Variants in SIGIRR observed in about 807,000 individuals in gnomAD.
SIGIRR encodes the protein single Ig and TIR domain containing.
A neutral mutation model predicts 45.6 loss-of-function variants in SIGIRR; 41 were observed. The ratio of observed to expected loss-of-function variants is 0.90; its 90% confidence interval spans 0.70 to 1.17. The LOEUF (loss-of-function observed/expected upper bound fraction) is 1.17. Among genes scored for constraint, SIGIRR ranks in the 50% most tolerant of loss-of-function variants. SIGIRR has a pLI of 0.00. For synonymous variants in SIGIRR, 298 were observed against 239.0 expected (o/e 1.25, Z -2.28); for missense variants, 599 against 539.6 (o/e 1.11, Z -1.09).
upstream of SIGIRR, among the ~76,000 whole-genome samples, chr11:415,262 CGTGTGTGCAAT>C (rs577431186): frequency 1.6e-4 from 21 of 134,566 alleles, no homozygotes; most frequent in African/African-American, 4.4e-4. This position sits in a 1 kb window ranked among gnomAD's most constrained non-coding sequence, Gnocchi z 6.6. Context: ...AGTGTGTCTG[CGTGTGTGCAAT>C]GTGTGTGCAG....
At chr11:409,681 T>C (rs1207810283) in intron 2 of SIGIRR, 187 bp downstream of exon 2, 1 of 532,110 alleles carries the variant, frequency 1.9e-6, no homozygotes, top group East Asian at 3.5e-5. Context: ...GCAGGGCTCA[T>C]CCTCACCACT....
chr11:410,407 G>A (rs911634390), intron 1 of SIGIRR, among the ~76,000 whole-genome samples: 6 of 152,182 alleles, frequency 3.9e-5, no homozygotes, highest in African/African-American at 1.4e-4. Flanking sequence ...TGCAGTGCCA[G>A]AGACACAGCC....
chr11:408,778 G>A lies in SIGIRR; in HGVS notation c.123C>T (p.His41=), dbSNP rs770860407. The A allele has an allele frequency of 6.2e-7, 1 of 1,612,804 alleles. No homozygotes were observed. The highest frequency in any genetic ancestry group is 8.5e-7 in the Non-Finnish European group (1 of 1,179,998). The change falls in exon 3 of 10, where the codon CAC becomes CAT. Residue 41 remains histidine (H), a synonymous_variant. Transcript: ENST00000431843. Reference sequence around the variant, plus strand: ...GCCACTGGACTGAAGGCAGGGAGCAGTGGGGCCCAGAGACTACCCAAGCCG... The same window carrying A: ...GCCACTGGACTGAAGGCAGGGAGCAATGGGGCCCAGAGACTACCCAAGCCG... ...NCTAWVVSGP[H]CSLPSVQWLK...
chr11:408,096 G>A lies in SIGIRR; in HGVS notation c.317C>T (p.Ser106Phe), dbSNP rs1192043297. The part of the protein sequence containing the change: ...FTCSIQNISF[S>F]SFTLQRAGPT... ...ACCAGCTCTCTGAAGAGTGAAGGAG[G>A]AGAAGCTGATGTTCTGGATGGAGCA... Residue 106 changes from serine to phenylalanine, a missense_variant, in exon 4 of 10, where the codon TCC becomes TTC. Physicochemically the swap from Ser to Phe is radical, Grantham distance 155. Coordinates refer to ENST00000431843, the MANE Select transcript of SIGIRR (RefSeq NM_001135054.2). The A allele has an allele frequency of 6.2e-7, 1 of 1,612,688 alleles. No homozygotes were observed. The highest frequency in any genetic ancestry group is 1.3e-5 in the African/African-American group (1 of 74,946).
intron 2 of SIGIRR, 36 bp downstream of exon 2, chr11:409,832 G>A (rs1768763029): frequency 7.3e-7 from 1 of 1,366,152 alleles, no homozygotes; most frequent in Non-Finnish European, 9.5e-7. Context: ...AGGTGGGAGT[G>A]GGGAATTCAA....
In SIGIRR at chr11:406,242, A is replaced by G. The variant is rs1847291795; in HGVS notation, c.1069+107T>C. ...CGTGCAGGGGCTCCCGGTGCCGGGA[A>G]GAGTCCTCAACACCTGGAGCCCCTC... On this transcript the variant is annotated intron_variant, in intron 9 of 9. Coordinates refer to ENST00000431843, the MANE Select transcript of SIGIRR (RefSeq NM_001135054.2). The G allele has an allele frequency of 8.4e-6, 13 of 1,544,724 alleles. No homozygotes were observed. In the South Asian group the frequency reaches 1.5e-4, roughly 18 times the overall value.
intron 1 of SIGIRR, among the ~76,000 whole-genome samples, chr11:413,368 G>C (rs1420596041): frequency 6.6e-6 from 1 of 152,024 alleles, no homozygotes; most frequent in African/African-American, 2.4e-5. Context: ...GACACTCCAA[G>C]GAAAGTCCTT....
In SIGIRR at chr11:406,338, G is replaced by C. The variant is rs769404609; in HGVS notation, c.1069+11C>G. The C allele has an allele frequency of 1.5e-5, 24 of 1,611,524 alleles. No individual in the cohort carries two copies. The Middle Eastern group carries it at 4.9e-4, about 33-fold the overall frequency. ...CTTCTCCAGTTGGGGAGTGGGGCTG[G>C]GCGGGCATACCCAGGTCGCCCTCAG... On this transcript the variant is annotated intron_variant, in intron 9 of 9. Coordinates refer to ENST00000431843, the MANE Select transcript of SIGIRR (RefSeq NM_001135054.2).
chr11:406,196 G>A (rs776210582), intron 9 of SIGIRR, 137 bp from the exon 10 acceptor site: 1 of 1,538,104 alleles, frequency 6.5e-7, no homozygotes. Flanking sequence ...ACCGAGGGCC[G>A]AGCACCTCCA....
intron 1 of SIGIRR, among the ~76,000 whole-genome samples, chr11:412,667 A>G (rs867282510): frequency 3.0e-4 from 9 of 29,806 alleles, no homozygotes; most frequent in South Asian, 7.5e-3. Flanking sequence ...AGCTCTGACC[A>G]TGTCTGGATA....
At position 406,024 on chromosome 11, in the gene SIGIRR, G is replaced by T. The variant is rs1373226988; in HGVS notation, c.1105C>A (p.Pro369Thr). The T allele has an allele frequency of 6.2e-7, 1 of 1,605,498 alleles. No homozygotes were observed. The highest frequency in any genetic ancestry group is 8.5e-7 in the Non-Finnish European group (1 of 1,176,758). Residue 369 changes from proline to threonine, a missense_variant, in exon 10 of 10, where the codon CCA becomes ACA. Transcript: ENST00000431843. ...AGCGAGACCCCACTGGTGTGCGGTG[G>T]AGCTGATGGCTCTCCAAAGACAGGC... ...RGPVFGEPSAPPHTSGVSLGE... is the reference protein window; with the variant it reads ...RGPVFGEPSATPHTSGVSLGE...
Position 406,917 on chromosome 11 carries a change from C to T in SIGIRR, c.805G>A (p.Ala269Thr), listed in dbSNP as rs1444256927. Residue 269 changes from alanine (A) to threonine (T), a missense_variant, in exon 8 of 10, where the codon GCG becomes ACG. Physicochemically the swap from Ala to Thr is moderately conservative, Grantham distance 58. Transcript: ENST00000431843. Reference protein sequence around the residue: ...ITFEGQRRDPAHPALRLLRQH... With the variant: ...ITFEGQRRDPTHPALRLLRQH... Reference sequence around the variant, plus strand: ...CGCAGCAGGCGGAGCGCCGGGTGCGCGGGGTCGCGCCTCTGGCCCTCGAAG... The same window carrying T: ...CGCAGCAGGCGGAGCGCCGGGTGCGTGGGGTCGCGCCTCTGGCCCTCGAAG... 6.3e-7 allele frequency: 1 copy of T among 1,594,822 alleles called. No individual in the cohort carries two copies. Among genetic ancestry groups the T allele is most frequent in the Non-Finnish European group, 8.5e-7 (1 of 1,175,518 alleles).
At chr11:409,268 G>A in intron 2 of SIGIRR, 1 of 414,454 alleles carries the variant, frequency 2.4e-6, no homozygotes, top group Non-Finnish European at 4.7e-6. Context: ...GGAGGGGCCG[G>A]GCACTGCACC....
At chr11:408,351 A>C in intron 3 of SIGIRR, 145 bp from the exon 4 acceptor site, 2 of 1,095,758 alleles carry the variant, frequency 1.8e-6, no homozygotes, top group East Asian at 2.5e-5. Context: ...AGTGACCTGA[A>C]CCTGGAGGGG....
chr11:406,602 C>T lies in SIGIRR; in HGVS notation c.880-64G>A. On this transcript the variant is annotated intron_variant, in intron 8 of 9. Transcript: ENST00000431843. Reference sequence around the variant, plus strand: ...CTCGGAAGCCCCTGGCGTCCTGGCCCCCAAGAGCACACCTGCGGCTGCCCA... The same window carrying T: ...CTCGGAAGCCCCTGGCGTCCTGGCCTCCAAGAGCACACCTGCGGCTGCCCA... 5 of 1,525,036 alleles carry T rather than the reference C, an allele frequency of 3.3e-6. No individual in the cohort carries two copies. The South Asian group carries it at 3.8e-5, about 12-fold the overall frequency. The allele number at this position is 1,525,036 out of a possible 1,614,324, so 94.5% of individuals were successfully genotyped here.
Position 405,814 on chromosome 11 carries a change from G to GTCCCAGGGCT in SIGIRR, c.*81_*82insAGCCCTGGGA. On this transcript the variant is annotated 3_prime_UTR_variant, in exon 10 of 10. Coordinates refer to ENST00000431843, the MANE Select transcript of SIGIRR (RefSeq NM_001135054.2). ...GCAGGGTCCCAGGGCTGCTGGCAGGGGTTGTGGTCCTGTTGAGCAGAGGAG... is the reference window on the plus strand; with the variant it reads ...GCAGGGTCCCAGGGCTGCTGGCAGGGTCCCAGGGCTGTTGTGGTCCTGTTGAGCAGAGGAG... 4.0e-6 allele frequency: 6 copies of GTCCCAGGGCT among 1,490,430 alleles called. No individual in the cohort carries two copies. Among genetic ancestry groups the GTCCCAGGGCT allele is most frequent in the Non-Finnish European group, 5.4e-6 (6 of 1,108,692 alleles). The allele number at this position is 1,490,430 out of a possible 1,614,324, so 92.3% of individuals were successfully genotyped here.
chr11:406,714 TC>T (rs1847324273), intron 8 of SIGIRR, 128 bp downstream of exon 8: 4 of 1,408,730 alleles, frequency 2.8e-6, no homozygotes, highest in South Asian at 1.5e-5. Flanking sequence ...CAGCGGAACC[TC>T]CCCCCAGGGC....
upstream of SIGIRR, among the ~76,000 whole-genome samples, chr11:415,286 TGTGCGTGTGC>T (rs1847851488): frequency 6.7e-6 from 1 of 149,910 alleles, no homozygotes; most frequent in Non-Finnish European, 1.5e-5. This position sits in a 1 kb window ranked among gnomAD's most constrained non-coding sequence, Gnocchi z 6.6. Flanking sequence ...GTGTGCAGTA[TGTGCGTGTGC>T]GTGCGTTTGT....
In SIGIRR at chr11:408,746, T is replaced by C; in HGVS notation, c.155A>G (p.Asp52Gly). The C allele has an allele frequency of 6.2e-7, 1 of 1,612,762 alleles. No individual in the cohort carries two copies. Among genetic ancestry groups the C allele is most frequent in the Non-Finnish European group, 8.5e-7 (1 of 1,179,972 alleles). The change falls in exon 3 of 10, where the codon GAC becomes GGC. Residue 52 changes from aspartate (D) to glycine (G), a missense_variant. Coordinates refer to ENST00000431843, the MANE Select transcript of SIGIRR (RefSeq NM_001135054.2). ...CSLPSVQWLK[D>G]GLPLGIGGHY... ...GCCCCCAATTCCCAATGGAAGCCCGTCTTTCAGCCACTGGACTGAAGGCAG... is the reference window on the plus strand; with the variant it reads ...GCCCCCAATTCCCAATGGAAGCCCGCCTTTCAGCCACTGGACTGAAGGCAG...
Sources: allele counts gnomAD v4.1 joint callset (sites outside exome capture counted in the v4.1 genomes callset), GRCh38; gene constraint gnomAD v4.1.1; non-coding constraint Gnocchi (gnomAD v3.1); transcripts MANE v1.5; gene names NCBI Gene and HGNC (gene_info 2026-07-23, HGNC 2026-07-21).